The following POLI variants were observed in gnomAD, a reference collection of about 807,000 sequenced individuals.
The protein encoded by POLI is RAD30 homolog B.
POLI carries 58 observed loss-of-function variants against 51.6 expected under a neutral mutation model. The observed-to-expected ratio is 1.12, with a 90% CI of 0.91 to 1.40. POLI has a LOEUF of 1.40. Among genes scored for constraint, POLI ranks in the 40% most tolerant of loss-of-function variants. The pLI is 0.00. For synonymous variants in POLI, 322 were observed against 299.7 expected (o/e 1.07, Z -0.77); for missense variants, 921 against 871.3 (o/e 1.06, Z -0.72).
chr18:54,296,935 A>G lies in POLI; in HGVS notation c.*2468A>G. On this transcript the variant is annotated 3_prime_UTR_variant, in exon 10 of 10. Coordinates refer to ENST00000579534, the MANE Select transcript of POLI (RefSeq NM_007195.3). ...TCTACATTTAAGGTTATTATTGCAT[A>G]TCATTGTGACTTATTTCCTTGAGTA... The G allele has an allele frequency of 1.0e-6, 1 of 975,170 alleles. No homozygotes were observed. The highest frequency in any genetic ancestry group is 1.2e-6 in the Non-Finnish European group (1 of 820,662). 60.4% of individuals were successfully genotyped at this position (975,170 alleles called of 1,614,324 possible).
In POLI at chr18:54,294,892, C is replaced by T; in HGVS notation, c.*425C>T. Reference sequence around the variant, plus strand: ...TAGGCTGAATAGCAAATCCTACTGCCAACTAACCTATTAAAAATATAGATA... The same window carrying T: ...TAGGCTGAATAGCAAATCCTACTGCTAACTAACCTATTAAAAATATAGATA... On this transcript the variant is annotated 3_prime_UTR_variant, in exon 10 of 10. Coordinates refer to ENST00000579534, the MANE Select transcript of POLI (RefSeq NM_007195.3). 1 of 981,588 alleles carries T rather than the reference C, an allele frequency of 1.0e-6. No individual in the cohort carries two copies. Among genetic ancestry groups the T allele is most frequent in the Non-Finnish European group, 1.2e-6 (1 of 826,678 alleles). The allele number at this position is 981,588 out of a possible 1,614,324, so 60.8% of individuals were successfully genotyped here.
In POLI at chr18:54,269,536, G is replaced by C; in HGVS notation, c.-11G>C. The C allele has an allele frequency of 1.3e-6, 2 of 1,507,192 alleles. No individual in the cohort carries two copies. The highest frequency in any genetic ancestry group is 1.8e-6 in the Non-Finnish European group (2 of 1,132,256). The allele number at this position is 1,507,192 out of a possible 1,614,324, so 93.4% of individuals were successfully genotyped here. A position where few individuals can be genotyped will look rare whatever the true frequency, so the allele number is the denominator to read the frequency against. On this transcript the variant is annotated 5_prime_UTR_variant, in exon 1 of 10. Coordinates refer to ENST00000579534, the MANE Select transcript of POLI (RefSeq NM_007195.3). ...GCGGCCGGAAGTAGCGCTGCGGTTG[G>C]CAGCGGCGGGATGGAGAAGCTGGGG...
At chr18:54,269,907 C>A in intron 1 of POLI, 2 of 1,228,012 alleles carry the variant, frequency 1.6e-6, no homozygotes, top group Non-Finnish European at 2.0e-6. Context: ...TTATCTGCGC[C>A]GTCCTTTCCT....
chr18:54,308,093 T>C (rs1236398466), intron 3 of POLI, among the ~76,000 whole-genome samples: 1 of 152,206 alleles, frequency 6.6e-6, no homozygotes, highest in African/African-American at 2.4e-5. Context: ...TTAAGGTTAA[T>C]ATTGTTATGT....
At chr18:54,279,900 A>G (rs192291525) in intron 4 of POLI, among the ~76,000 whole-genome samples, 1 of 152,238 alleles carries the variant, frequency 6.6e-6, no homozygotes, top group Admixed American at 6.5e-5. Flanking sequence ...TTCTTGTTAT[A>G]TAATAATACT....
chr18:54,303,443 C>T (rs946106548), intron 3 of POLI, among the ~76,000 whole-genome samples: 1 of 152,136 alleles, frequency 6.6e-6, no homozygotes, highest in African/African-American at 2.4e-5. Flanking sequence ...TGAGGTAATA[C>T]AAATATTTGA....
Position 54,283,020 on chromosome 18 carries a change from A to G in POLI, c.975+5A>G. The G allele has an allele frequency of 6.4e-7, 1 of 1,566,302 alleles. No individual in the cohort carries two copies. The highest frequency in any genetic ancestry group is 8.7e-7 in the Non-Finnish European group (1 of 1,146,006). Reference sequence around the variant, plus strand: ...ATACTCTCAGGACCACCTCAGGTACATGATGATACTTATTTTAATTAAGTA... The same window carrying G: ...ATACTCTCAGGACCACCTCAGGTACGTGATGATACTTATTTTAATTAAGTA... On this transcript the variant is annotated splice_donor_5th_base_variant and intron_variant, in intron 6 of 9. Coordinates refer to ENST00000579534, the MANE Select transcript of POLI (RefSeq NM_007195.3).
At chr18:54,272,678 C>A (rs757944626) in intron 2 of POLI, among the ~76,000 whole-genome samples, 1 of 150,778 alleles carries the variant, frequency 6.6e-6, no homozygotes, top group East Asian at 1.9e-4. Flanking sequence ...CACCATGTTG[C>A]CCTGGGTGGT....
chr18:54,275,100 T>TA (rs1168780087), intron 3 of POLI: 1 of 152,240 alleles, frequency 6.6e-6, no homozygotes, highest in African/African-American at 2.4e-5. Flanking sequence ...CAAGAACACT[T>TA]ACTGAGTTTA....
At chr18:54,299,455 T>A (rs1397396368), downstream of POLI, among the ~76,000 whole-genome samples, 1 of 152,140 alleles carries the variant, frequency 6.6e-6, no homozygotes, top group East Asian at 1.9e-4. Context: ...AAAAAAAGCC[T>A]GTTTTATAAT....
chr18:54,288,651 G>A (rs569802605), intron 8 of POLI, among the ~76,000 whole-genome samples: 24 of 148,236 alleles, frequency 1.6e-4, no homozygotes, highest in South Asian at 1.3e-3. Context: ...TTTTTTTTCC[G>A]TTTTTTCTTA....
At chr18:54,315,478 C>T (rs954550321) in intron 3 of POLI, among the ~76,000 whole-genome samples, 3 of 151,878 alleles carry the variant, frequency 2.0e-5, no homozygotes, top group African/African-American at 7.3e-5. Context: ...TCTATTAGGT[C>T]CAATTGGTCA....
chr18:54,287,234 G>A, intron 7 of POLI, 47 bp from the exon 8 acceptor site: 1 of 1,360,570 alleles, frequency 7.3e-7, no homozygotes, highest in Non-Finnish European at 1.0e-6. Flanking sequence ...AATTTAAAAA[G>A]GTAATACTTT....
At chr18:54,304,899 A>G (rs2088556037) in intron 3 of POLI, among the ~76,000 whole-genome samples, 1 of 152,222 alleles carries the variant, frequency 6.6e-6, no homozygotes, top group African/African-American at 2.4e-5. Flanking sequence ...TTTTAGGTCT[A>G]ACATTTAAGT....
Position 54,293,938 on chromosome 18 carries a change from C to G in POLI, c.1694C>G (p.Ser565Cys), listed in dbSNP as rs768581665. ...AGTGTGAGTTGTCCATTACATGCCT[C>G]TAGAGGAGTATTATCTTTCTTTTCT... ...KGSVSCPLHA[S>C]RGVLSFFSKK... is the part of the protein sequence containing the mutation. Residue 565 changes from serine to cysteine, a missense_variant, in exon 10 of 10, where the codon TCT (serine) becomes TGT (cysteine). Coordinates refer to ENST00000579534, the MANE Select transcript of POLI (RefSeq NM_007195.3). 6.2e-7 allele frequency: 1 copy of G among 1,612,622 alleles called. No individual in the cohort carries two copies.
intron 3 of POLI, among the ~76,000 whole-genome samples, chr18:54,304,830 C>T (rs1198811838): frequency 2.6e-5 from 4 of 152,156 alleles, no homozygotes; most frequent in African/African-American, 9.7e-5. Flanking sequence ...ACATGAAGTC[C>T]TTGCCCATGC....
At chr18:54,306,542 G>A (rs1489316159) in intron 3 of POLI, among the ~76,000 whole-genome samples, 1 of 145,650 alleles carries the variant, frequency 6.9e-6, no homozygotes, top group Non-Finnish European at 1.5e-5. Context: ...TCTCTTTTTT[G>A]TGTGTGTCTC....
rs1489037518 is a variant in POLI at position 54,298,050 on chromosome 18, AT to A, written c.*3586del. On this transcript the variant is annotated 3_prime_UTR_variant, in exon 10 of 10. Transcript: ENST00000579534. ...ATGTCTAGCTATAGATTTATCATGGATTTAGGTTCATTATGAATCTGCAGAT... is the reference window on the plus strand; with the variant it reads ...ATGTCTAGCTATAGATTTATCATGGATTAGGTTCATTATGAATCTGCAGAT... The A allele has an allele frequency of 3.9e-5, 38 of 970,470 alleles. No individual in the cohort carries two copies. Among genetic ancestry groups the A allele is most frequent in the Non-Finnish European group, 4.5e-5 (37 of 816,478 alleles). The allele number at this position is 970,470 out of a possible 1,614,324, so 60.1% of individuals were successfully genotyped here.
chr18:54,290,706 A>G (rs937880784), intron 8 of POLI, among the ~76,000 whole-genome samples: 1 of 152,142 alleles, frequency 6.6e-6, no homozygotes, highest in Admixed American at 6.5e-5. Context: ...GGAAACCATC[A>G]TTCTCAGCAA....
Sources: gnomAD v4.1 joint callset for allele counts (sites outside exome capture counted in the v4.1 genomes callset) on GRCh38, gnomAD v4.1.1 for gene constraint, MANE v1.5 for transcripts, NCBI Gene and HGNC (gene_info 2026-07-23, HGNC 2026-07-21) for gene names.